The following KTN1 variants were observed in gnomAD, a reference collection of about 807,000 sequenced individuals.
KTN1 encodes the protein kinectin 1.
A neutral mutation model predicts 222.5 loss-of-function variants in KTN1; 130 were observed. The observed-to-expected ratio is 0.58, with a 90% CI of 0.51 to 0.68. The LOEUF is 0.68. Among genes scored for constraint, KTN1 ranks in the 30% least tolerant of loss-of-function variants. The pLI is 0.00. For synonymous variants in KTN1, 512 were observed against 496.3 expected, an observed-to-expected ratio of 1.03 and a Z score of -0.42; for missense variants, 1,508 against 1,500.4, an observed-to-expected ratio of 1.01 and a Z score of -0.08.
At chr14:55,621,224 A>G (rs537967791) in intron 5 of KTN1, among the ~76,000 whole-genome samples, 50 of 152,170 alleles carry the variant, frequency 3.3e-4, no homozygotes, top group Non-Finnish European at 4.3e-4. Flanking sequence ...CATTTTGGTC[A>G]AAGCTATTCA....
At position 55,675,677 on chromosome 14, in the gene KTN1, A is replaced by G. The variant is rs2045830909; in HGVS notation, c.3772-158A>G. On this transcript the variant is annotated intron_variant, in intron 40 of 43. Coordinates refer to ENST00000395314, the MANE Select transcript of KTN1 (RefSeq NM_001079521.2). ...TTTAGCTTTACAGATGGGAACCTCT[A>G]CTGCTTAGCCTTTCTATACATCTGG... 6 of 500,310 alleles carry G rather than the reference A, an allele frequency of 1.2e-5. No individual in the cohort carries two copies. In the South Asian group the frequency reaches 1.4e-4, roughly 12 times the overall value. The allele number at this position is 500,310 out of a possible 1,614,324, so 31.0% of individuals were successfully genotyped here.
chr14:55,652,528 A>T (rs1047030471), intron 25 of KTN1, among the ~76,000 whole-genome samples: 2 of 150,716 alleles, frequency 1.3e-5, no homozygotes, highest in Non-Finnish European at 2.9e-5. Flanking sequence ...CCTCCCGAGT[A>T]GCTGGGACTA....
intron 7 of KTN1, among the ~76,000 whole-genome samples, 174 bp from the exon 8 acceptor site, chr14:55,633,061 A>G (rs948092002): frequency 5.3e-5 from 8 of 152,228 alleles, no homozygotes; most frequent in African/African-American, 1.9e-4. Context: ...TTTGATTTGC[A>G]TTCATCACTA....
intron 1 of KTN1, among the ~76,000 whole-genome samples, chr14:55,580,688 G>T (rs377584999): frequency 6.6e-6 from 1 of 152,170 alleles, no homozygotes; most frequent in East Asian, 1.9e-4. Context: ...TCCCGAAGGC[G>T]AGGTCGACCC....
intron 24 of KTN1, chr14:55,651,479 C>A: frequency 2.4e-6 from 1 of 424,240 alleles, no homozygotes; most frequent in Non-Finnish European, 4.6e-6. Flanking sequence ...AGCTCTGATA[C>A]AGTAGGGAGG....
At position 55,617,974 on chromosome 14, in the gene KTN1, T is replaced by G; in HGVS notation, c.672T>G (p.Asp224Glu). Residue 224 changes from aspartate (D) to glutamate (E), a missense_variant, in exon 4 of 44, where the codon GAT becomes GAG. Physicochemically the swap from Asp to Glu is conservative, Grantham distance 45 (BLOSUM62 2). Coordinates refer to ENST00000395314, the MANE Select transcript of KTN1 (RefSeq NM_001079521.2). ...GAACTTAAATTGCAGTCTTCGTAGA[T>G]GAACCCCTTATTCATGCAACTACTT... ...KKQKTENVFV[D>E]EPLIHATTYI... The G allele has an allele frequency of 6.3e-7, 1 of 1,583,728 alleles. No homozygotes were observed. The highest frequency in any genetic ancestry group is 8.6e-7 in the Non-Finnish European group (1 of 1,168,396).
intron 38 of KTN1, 31 bp from the exon 39 acceptor site, chr14:55,672,896 AGT>A: frequency 6.5e-7 from 1 of 1,538,236 alleles, no homozygotes; most frequent in African/African-American, 1.4e-5. Context: ...GGAAATTTTA[AGT>A]GTGTTAACTT....
intron 1 of KTN1, among the ~76,000 whole-genome samples, chr14:55,599,884 A>G (rs969340531): frequency 3.9e-5 from 6 of 152,106 alleles, no homozygotes; most frequent in African/African-American, 1.4e-4. Flanking sequence ...TTGTGTCAAT[A>G]CTACTTATTA....
chr14:55,646,543 T>C (rs1320075280), intron 18 of KTN1, among the ~76,000 whole-genome samples: 1 of 145,626 alleles, frequency 6.9e-6, no homozygotes, highest in East Asian at 2.0e-4. Context: ...TCCTTTCCTT[T>C]CCTTCTCTCT....
Position 55,671,418 on chromosome 14 carries a change from C to T in KTN1, c.3349-148C>T, listed in dbSNP as rs1027562859. On this transcript the variant is annotated intron_variant, in intron 35 of 43. Transcript: ENST00000395314. Reference sequence around the variant, plus strand: ...AAAAGGGTTATTGAATGAACTTCATCGCTACTTAGAAAGGTTGAAATGTAG... The same window carrying T: ...AAAAGGGTTATTGAATGAACTTCATTGCTACTTAGAAAGGTTGAAATGTAG... 5.4e-5 allele frequency: 32 copies of T among 593,822 alleles called. 1 individual carries two copies. The highest frequency in any genetic ancestry group is 3.4e-4 in the African/African-American group (18 of 52,918). 36.8% of individuals were successfully genotyped at this position (593,822 alleles called of 1,614,324 possible). A position where few individuals can be genotyped will look rare whatever the true frequency, so the allele number is the denominator to read the frequency against.
At chr14:55,671,258 A>G (rs1425549067) in intron 35 of KTN1, 1 of 314,368 alleles carries the variant, frequency 3.2e-6, no homozygotes, top group African/African-American at 2.2e-5. Flanking sequence ...TGGCATGAAT[A>G]AAATCCTCTT....
In KTN1 at chr14:55,608,373, C is replaced by T. The variant is rs147173058; in HGVS notation, c.-30-3646C>T. On this transcript the variant is annotated intron_variant, in intron 1 of 43. Coordinates refer to ENST00000395314, the MANE Select transcript of KTN1 (RefSeq NM_001079521.2). ...AATTTATCATAAACAAAGTTTAAAA[C>T]TAGAGTATTAAGGCAAATGAGACTG... Among the ~76,000 whole-genome samples, 490 of 152,178 alleles carry T rather than the reference C, an allele frequency of 3.2e-3. 2 individuals are homozygous for T. The highest frequency in any genetic ancestry group is 7.8e-3 in the African/African-American group (325 of 41,526).
chr14:55,619,948 T>C (rs2038915642), intron 5 of KTN1, among the ~76,000 whole-genome samples: 1 of 152,070 alleles, frequency 6.6e-6, no homozygotes, highest in South Asian at 2.1e-4. Flanking sequence ...CAAAGTCTCA[T>C]CCGAGACAAG....
intron 1 of KTN1, among the ~76,000 whole-genome samples, chr14:55,592,374 T>C (rs2034296651): frequency 6.6e-6 from 1 of 152,242 alleles, no homozygotes; most frequent in Non-Finnish European, 1.5e-5. Context: ...AATAATACTT[T>C]GACAGTATGG....
At chr14:55,650,758 C>A in intron 24 of KTN1, 121 bp downstream of exon 24, 1 of 598,096 alleles carries the variant, frequency 1.7e-6, no homozygotes, top group Non-Finnish European at 2.9e-6. Context: ...GGGTTATGTG[C>A]TTTTAATTTT....
At chr14:55,617,940 G>A (rs1333404079) in intron 3 of KTN1, 24 bp from the exon 4 acceptor site, 3 of 1,516,084 alleles carry the variant, frequency 2.0e-6, no homozygotes. Context: ...TTCTAATTAT[G>A]ATTTTGTTGA....
intron 9 of KTN1, among the ~76,000 whole-genome samples, chr14:55,636,139 G>A (rs746932395): frequency 6.6e-6 from 1 of 152,192 alleles, no homozygotes; most frequent in African/African-American, 2.4e-5. Context: ...TGGGAAACAG[G>A]TTATTGCTAA....
intron 28 of KTN1, among the ~76,000 whole-genome samples, chr14:55,654,300 TA>T (rs1199141226): frequency 5.3e-5 from 8 of 152,170 alleles, no homozygotes; most frequent in African/African-American, 1.9e-4. Flanking sequence ...TGCCCCGTTT[TA>T]AACTGTCAAG....
chr14:55,626,187 G>T (rs897018782), intron 5 of KTN1, among the ~76,000 whole-genome samples: 26 of 150,432 alleles, frequency 1.7e-4, no homozygotes, highest in African/African-American at 6.4e-4. Context: ...GCCTACCTTC[G>T]TTGTCTTTTC....
Sources: gnomAD v4.1 joint callset for allele counts (sites outside exome capture counted in the v4.1 genomes callset) on GRCh38, gnomAD v4.1.1 for gene constraint, MANE v1.5 for transcripts, NCBI Gene and HGNC (gene_info 2026-07-23, HGNC 2026-07-21) for gene names.